The following NTRK3 variants were observed in gnomAD, a reference collection of about 807,000 sequenced individuals.
The protein encoded by NTRK3 is NT-3 growth factor receptor.
In NTRK3, 24 loss-of-function variants were observed where a neutral mutation model predicts 91.7. That is an observed-to-expected ratio of 0.26 (90% CI 0.19 to 0.37). NTRK3 has a LOEUF of 0.37. NTRK3 is among the 10% of genes least tolerant of loss of function. The pLI, the probability that NTRK3 is intolerant of heterozygous loss-of-function variation, is 1.00. For synonymous variants in NTRK3, 483 were observed against 404.0 expected (o/e 1.20, Z -2.34); for missense variants, 880 against 1,068.9 (o/e 0.82, Z 2.46).
chr15:88,231,349 T>C (rs994453907), intron 3 of NTRK3, among the ~76,000 whole-genome samples: 2 of 152,120 alleles, frequency 1.3e-5, no homozygotes, highest in Admixed American at 1.3e-4. Context: ...CCAGAGCTAT[T>C]GTAGTTGCCT....
At chr15:87,929,151 G>A (rs1399605872) in intron 17 of NTRK3, 40 bp downstream of exon 17, 1 of 1,614,050 alleles carries the variant, frequency 6.2e-7, no homozygotes, top group Non-Finnish European at 8.5e-7. Context: ...CAAGGCGCTA[G>A]CTCTGTGGCT....
At chr15:87,974,683 T>C (rs1465370879) in intron 14 of NTRK3, among the ~76,000 whole-genome samples, 1 of 152,154 alleles carries the variant, frequency 6.6e-6, no homozygotes, top group African/African-American at 2.4e-5. Flanking sequence ...AGACATGTGA[T>C]TAATCTCAGA....
intron 14 of NTRK3, among the ~76,000 whole-genome samples, chr15:88,026,536 T>G (rs1048814425): frequency 3.3e-5 from 5 of 152,184 alleles, no homozygotes; most frequent in African/African-American, 1.2e-4. Context: ...GAAATTATTC[T>G]GTCTGACATT....
At chr15:88,144,136 G>A (rs908480628) in intron 6 of NTRK3, 3 of 152,040 alleles carry the variant, frequency 2.0e-5, no homozygotes, top group African/African-American at 7.2e-5. Context: ...TTTTTGGACA[G>A]ACAGGTCTCA....
chr15:88,065,907 C>T (rs191929382), intron 13 of NTRK3, among the ~76,000 whole-genome samples: 1 of 152,164 alleles, frequency 6.6e-6, no homozygotes, highest in Non-Finnish European at 1.5e-5. Context: ...CCTTGTCAAA[C>T]AAAGAAAGAG....
intron 14 of NTRK3, among the ~76,000 whole-genome samples, chr15:88,028,854 AAC>A (rs1271568078): frequency 6.6e-6 from 1 of 152,218 alleles, no homozygotes; most frequent in East Asian, 1.9e-4. Flanking sequence ...GAAGCCTTTC[AAC>A]TGGCTTATGG....
exon 19 of NTRK3, chr15:87,860,525 C>T (rs979666516): frequency 5.0e-6 from 1 of 198,228 alleles, no homozygotes; most frequent in Non-Finnish European, 1.0e-5. Flanking sequence ...AAGAGTTTTA[C>T]TTAGACAATA....
In NTRK3 at chr15:87,872,706, C is replaced by T. The variant is rs143938884; in HGVS notation, c.*4229G>A. Reference sequence around the variant, plus strand: ...CCTGTACAATATTCCTCAAATCTACCAGTCACCAGGCCTTCTTTCATTGTC... The same window carrying T: ...CCTGTACAATATTCCTCAAATCTACTAGTCACCAGGCCTTCTTTCATTGTC... On this transcript the variant is annotated 3_prime_UTR_variant, in exon 19 of 19. Transcript: ENST00000394480. The T allele has an allele frequency of 2.2e-3, 522 of 232,836 alleles. 3 individuals carry two copies. The highest frequency in any genetic ancestry group is 0.01 in the Middle Eastern group (8 of 782). The allele number at this position is 232,836 out of a possible 1,614,324, so 14.4% of individuals were successfully genotyped here.
At chr15:88,106,358 T>C (rs1455880306) in intron 13 of NTRK3, among the ~76,000 whole-genome samples, 1 of 152,248 alleles carries the variant, frequency 6.6e-6, no homozygotes, top group East Asian at 1.9e-4. Context: ...CTTATGCTCA[T>C]TCACATTTTA....
At chr15:88,086,094 T>TG (rs1483105827) in intron 13 of NTRK3, among the ~76,000 whole-genome samples, 1 of 152,210 alleles carries the variant, frequency 6.6e-6, no homozygotes. Context: ...AGGTGTCCGA[T>TG]GCCTGGATCC....
chr15:88,008,249 A>T (rs1315568965), intron 14 of NTRK3, among the ~76,000 whole-genome samples: 2 of 152,114 alleles, frequency 1.3e-5, no homozygotes, highest in African/African-American at 4.8e-5. Context: ...TTAGCTGGTA[A>T]ATTTAAGGTG....
At chr15:87,964,866 T>C (rs2072645315) in intron 14 of NTRK3, among the ~76,000 whole-genome samples, 1 of 152,234 alleles carries the variant, frequency 6.6e-6, no homozygotes. Flanking sequence ...TACACCACAT[T>C]TTCTTTCTCC....
chr15:88,057,499 A>C (rs35202474), intron 13 of NTRK3, among the ~76,000 whole-genome samples: 44,219 of 151,482 alleles, frequency 0.29, 6,858 homozygotes, highest in Non-Finnish European at 0.36. Flanking sequence ...CTCCCTCTAA[A>C]AAGAAAAAAA....
At chr15:88,192,785 C>G (rs2047516233) in intron 3 of NTRK3, among the ~76,000 whole-genome samples, 1 of 151,930 alleles carries the variant, frequency 6.6e-6, no homozygotes, top group Non-Finnish European at 1.5e-5. Flanking sequence ...AAACACTCAT[C>G]CCTGGCTTCT....
chr15:88,231,323 C>T (rs1057435369), intron 3 of NTRK3, among the ~76,000 whole-genome samples: 2 of 152,144 alleles, frequency 1.3e-5, no homozygotes, highest in African/African-American at 4.8e-5. Context: ...CCTTGCCCCC[C>T]ACCCACATCA....
At chr15:88,251,047 G>A (rs2053297096) in intron 3 of NTRK3, among the ~76,000 whole-genome samples, 1 of 152,214 alleles carries the variant, frequency 6.6e-6, no homozygotes, top group Non-Finnish European at 1.5e-5. Context: ...GGGTGTCCAG[G>A]CCCTAATGAG....
chr15:88,083,424 T>TG (rs1280312747), intron 13 of NTRK3, among the ~76,000 whole-genome samples: 2 of 152,134 alleles, frequency 1.3e-5, no homozygotes, highest in Non-Finnish European at 2.9e-5. Context: ...GGTTTTACCA[T>TG]TTGGCCAGGT....
intron 14 of NTRK3, among the ~76,000 whole-genome samples, chr15:88,009,706 T>C (rs1373226702): frequency 6.6e-6 from 1 of 152,174 alleles, no homozygotes; most frequent in Non-Finnish European, 1.5e-5. Context: ...AGATATGATG[T>C]TAAATGACCT....
chr15:88,063,016 G>A (rs1423207784), intron 13 of NTRK3, among the ~76,000 whole-genome samples: 1 of 152,252 alleles, frequency 6.6e-6, no homozygotes, highest in Non-Finnish European at 1.5e-5. Flanking sequence ...CACACTTTCA[G>A]TGCTTTGGGG....
Sources: gnomAD v4.1 joint callset for allele counts (sites outside exome capture counted in the v4.1 genomes callset) on GRCh38, gnomAD v4.1.1 for gene constraint, MANE v1.5 for transcripts, NCBI Gene and HGNC (gene_info 2026-07-23, HGNC 2026-07-21) for gene names.